The following NALF1 variants were observed in gnomAD, a reference collection of about 807,000 sequenced individuals.
NALF1 encodes the protein NALCN channel auxiliary factor 1, also known as family with sequence similarity 155 member A.
A neutral mutation model predicts 48.4 loss-of-function variants in NALF1; 3 were observed. That is an observed-to-expected ratio of 0.06 (90% CI 0.03 to 0.16). NALF1 has a LOEUF of 0.16. Among genes scored for constraint, NALF1 ranks in the 10% least tolerant of loss-of-function variants. The pLI, the probability that NALF1 is intolerant of heterozygous loss-of-function variation, is 1.00. For missense variants in NALF1, 526 were observed against 571.5 expected (o/e 0.92, Z 0.81); for synonymous variants, 262 against 245.7 (o/e 1.07, Z -0.62).
At chr13:107,652,411 G>A (rs1221534058) in intron 1 of NALF1, among the ~76,000 whole-genome samples, 1 of 152,056 alleles carries the variant, frequency 6.6e-6, no homozygotes, top group African/African-American at 2.4e-5. Context: ...ATATAATATT[G>A]TTTTAAATTT....
intron 1 of NALF1, among the ~76,000 whole-genome samples, chr13:107,615,129 T>C (rs1879345797): frequency 6.6e-6 from 1 of 152,200 alleles, no homozygotes; most frequent in African/African-American, 2.4e-5. Context: ...GATGCCAACA[T>C]TACAAAAATA....
intron 1 of NALF1, among the ~76,000 whole-genome samples, chr13:107,789,886 G>A (rs190166576): frequency 6.6e-6 from 1 of 152,248 alleles, no homozygotes; most frequent in Admixed American, 6.5e-5. Flanking sequence ...CTTGAGTTAC[G>A]TATATAGGCA....
chr13:107,685,082 A>C lies in NALF1; in HGVS notation c.915+180600T>G, dbSNP rs191442308. On this transcript the variant is annotated intron_variant, in intron 1 of 2. Coordinates refer to ENST00000375915, the MANE Select transcript of NALF1 (RefSeq NM_001080396.3). ...GTAATCCCAGCACTTTGGGAGGCCA[A>C]GGCAGGCGGATCAGGAGGTCAGGAG... Among the ~76,000 whole-genome samples the C allele has an allele frequency of 2.7e-3, 406 of 152,312 alleles. 5 individuals are homozygous for C. The highest frequency in any genetic ancestry group is 9.4e-3 in the African/African-American group (389 of 41,564).
rs183699616 is a variant in NALF1, at chr13:107,475,737, G to C, written c.916-264982C>G. Among the ~76,000 whole-genome samples, 3 of 152,220 alleles carry C rather than the reference G, an allele frequency of 2.0e-5. No individual in the cohort carries two copies. In the East Asian group the frequency reaches 5.8e-4, roughly 29 times the overall value. ...CTAAAGAAATTCTCAGGGAATTCTT[G>C]TCTCTTCTAGTCAATAAAATGAACA... On this transcript the variant is annotated intron_variant, in intron 1 of 2. Transcript: ENST00000375915.
intron 1 of NALF1, among the ~76,000 whole-genome samples, chr13:107,791,643 A>G (rs1156537163): frequency 1.3e-5 from 2 of 152,184 alleles, no homozygotes; most frequent in Non-Finnish European, 2.9e-5. Context: ...AATGTTGTGA[A>G]CAAATAATAA....
intron 1 of NALF1, among the ~76,000 whole-genome samples, chr13:107,742,264 C>T (rs1373618056): frequency 6.6e-6 from 1 of 152,206 alleles, no homozygotes; most frequent in Non-Finnish European, 1.5e-5. Flanking sequence ...TCATCTAAAA[C>T]ATCATTTCCT....
At chr13:107,500,718 T>C (rs898803924) in intron 1 of NALF1, among the ~76,000 whole-genome samples, 1 of 150,922 alleles carries the variant, frequency 6.6e-6, no homozygotes, top group Non-Finnish European at 1.5e-5. Context: ...TGGCCAACAA[T>C]GATACACTGG....
intron 1 of NALF1, among the ~76,000 whole-genome samples, chr13:107,252,713 G>A (rs1169275550): frequency 2.0e-5 from 3 of 152,154 alleles, no homozygotes; most frequent in South Asian, 2.1e-4. Context: ...GTGGGACCAC[G>A]GTTAGGTTTG....
At chr13:107,189,852 A>G (rs4142906) in intron 2 of NALF1, among the ~76,000 whole-genome samples, 58,480 of 152,060 alleles carry the variant, frequency 0.38, 11,663 homozygotes, top group Middle Eastern at 0.52. Context: ...AGTGTTCCAC[A>G]TGAATTTACG....
At chr13:107,336,536 C>T (rs1882560360) in intron 1 of NALF1, among the ~76,000 whole-genome samples, 1 of 151,978 alleles carries the variant, frequency 6.6e-6, no homozygotes, top group Non-Finnish European at 1.5e-5. Context: ...GAATATGCTC[C>T]CATTCTACAG....
At chr13:107,473,871 G>A (rs1037960769) in intron 1 of NALF1, among the ~76,000 whole-genome samples, 3 of 152,144 alleles carry the variant, frequency 2.0e-5, no homozygotes, top group Non-Finnish European at 4.4e-5. Flanking sequence ...TGTTGGCTCC[G>A]GTGATGACAG....
chr13:107,543,841 C>T (rs188380452), intron 1 of NALF1, among the ~76,000 whole-genome samples: 17 of 151,830 alleles, frequency 1.1e-4, no homozygotes, highest in African/African-American at 3.4e-4. Context: ...AACTCTAAAA[C>T]CTCTAGAGTT....
chr13:107,265,151 T>C (rs1881013907), intron 1 of NALF1, among the ~76,000 whole-genome samples: 1 of 152,236 alleles, frequency 6.6e-6, no homozygotes, highest in Non-Finnish European at 1.5e-5. Flanking sequence ...CAAGATTAAG[T>C]AACTTTTTAA....
intron 1 of NALF1, among the ~76,000 whole-genome samples, chr13:107,349,972 T>C (rs1367860013): frequency 2.0e-5 from 3 of 152,118 alleles, no homozygotes; most frequent in Non-Finnish European, 4.4e-5. Flanking sequence ...TCACCTCAGA[T>C]CATCAGGCAT....
At chr13:107,205,068 A>G (rs935938834) in intron 2 of NALF1, among the ~76,000 whole-genome samples, 2 of 151,502 alleles carry the variant, frequency 1.3e-5, no homozygotes, top group African/African-American at 4.9e-5. Context: ...GGTTAGTTAC[A>G]TATGTATACA....
intron 1 of NALF1, among the ~76,000 whole-genome samples, chr13:107,453,518 C>G (rs894479512): frequency 1.3e-5 from 2 of 152,202 alleles, no homozygotes; most frequent in African/African-American, 4.8e-5. Flanking sequence ...ATGCACATAG[C>G]AAGGGGCCCC....
intron 1 of NALF1, among the ~76,000 whole-genome samples, chr13:107,734,988 C>T (rs1050246017): frequency 6.6e-6 from 1 of 152,112 alleles, no homozygotes; most frequent in East Asian, 1.9e-4. Context: ...CTTAGGAATG[C>T]ATGGGATCAA....
intron 1 of NALF1, among the ~76,000 whole-genome samples, chr13:107,407,684 G>C (rs1420154117): frequency 4.6e-5 from 7 of 151,998 alleles, no homozygotes; most frequent in Non-Finnish European, 7.4e-5. Flanking sequence ...CTGGAGAATA[G>C]TTTGGAAGCT....
chr13:107,285,307 T>TTAA (rs1471406251), intron 1 of NALF1, among the ~76,000 whole-genome samples: 1 of 152,194 alleles, frequency 6.6e-6, no homozygotes, highest in Non-Finnish European at 1.5e-5. Flanking sequence ...AATAACCATG[T>TTAA]GGTTATTCCC....
Sources: gnomAD v4.1 joint callset for allele counts (sites outside exome capture counted in the v4.1 genomes callset) on GRCh38, gnomAD v4.1.1 for gene constraint, MANE v1.5 for transcripts, NCBI Gene and HGNC (gene_info 2026-07-23, HGNC 2026-07-21) for gene names.